Variants in PLEKHA8 observed in about 807,000 individuals in gnomAD.
PLEKHA8 encodes the protein pleckstrin homology domain containing A8.
A neutral mutation model predicts 68.2 loss-of-function variants in PLEKHA8; 36 were observed. The ratio of observed to expected loss-of-function variants is 0.53; its 90% CI spans 0.40 to 0.70. The LOEUF is 0.70. Among genes scored for constraint, PLEKHA8 ranks in the 30% least tolerant of loss-of-function variants. The pLI is 0.00. For synonymous variants in PLEKHA8, 211 were observed against 216.1 expected, an observed-to-expected ratio of 0.98 and a Z score of 0.20; for missense variants, 505 against 615.4, an observed-to-expected ratio of 0.82 and a Z score of 1.90.
At position 30,080,092 on chromosome 7, in the gene PLEKHA8, A is replaced by G; in HGVS notation, c.*1305A>G. ...CCAATCAATCTCGGTTTAATCACCA[A>G]AAGTGCAGAGCAGGCAAAATGCAGC... On this transcript the variant is annotated 3_prime_UTR_variant, in exon 14 of 14. Coordinates refer to ENST00000449726, the MANE Select transcript of PLEKHA8 (RefSeq NM_001197026.2). 1.0e-6 allele frequency: 1 copy of G among 985,402 alleles called. No individual in the cohort carries two copies. The highest frequency in any genetic ancestry group is 1.2e-6 in the Non-Finnish European group (1 of 829,930). 61.0% of individuals were successfully genotyped at this position (985,402 alleles called of 1,614,324 possible).
rs1345306275 is a variant in PLEKHA8, at chr7:30,055,274, T to C, written c.971T>C (p.Leu324Pro). 2 of 1,614,058 alleles carry C rather than the reference T, an allele frequency of 1.2e-6. No individual in the cohort carries two copies. Among genetic ancestry groups the C allele is most frequent in the Non-Finnish European group, 1.7e-6 (2 of 1,180,006 alleles). ...TTATGTAGCTTTAGTGACATTGAACTTCTGGAAGACAGTGGCATTCCCACA... is the reference window on the plus strand; with the variant it reads ...TTATGTAGCTTTAGTGACATTGAACCTCTGGAAGACAGTGGCATTCCCACA... ...TMNTSFSDIE[L>P]LEDSGIPTEA... The change falls in exon 9 of 14, where the codon CTT becomes CCT. Residue 324 changes from leucine to proline, a missense_variant. Transcript: ENST00000449726.
chr7:30,114,454 C>T (rs930670467), intron 13 of PLEKHA8, among the ~76,000 whole-genome samples: 1 of 152,248 alleles, frequency 6.6e-6, no homozygotes. Context: ...AGTTTCTGCG[C>T]TCTTAGCTAC....
intron 13 of PLEKHA8, among the ~76,000 whole-genome samples, chr7:30,099,785 A>G (rs1318369298): frequency 6.6e-6 from 1 of 152,358 alleles, no homozygotes; most frequent in South Asian, 2.1e-4. Flanking sequence ...GAATTCCCAC[A>G]TGAAATAGAA....
downstream of PLEKHA8, among the ~76,000 whole-genome samples, chr7:30,094,431 C>T (rs1040639131): frequency 6.6e-6 from 1 of 152,022 alleles, no homozygotes; most frequent in Non-Finnish European, 1.5e-5. Context: ...CCTGCCACCA[C>T]GCCCAGCTAA....
At chr7:30,054,339 C>T (rs1583818765) in intron 7 of PLEKHA8, among the ~76,000 whole-genome samples, 2 of 152,198 alleles carry the variant, frequency 1.3e-5, no homozygotes, top group African/African-American at 4.8e-5. Flanking sequence ...GACAAATTCA[C>T]AAATACATAT....
intron 13 of PLEKHA8, among the ~76,000 whole-genome samples, chr7:30,112,522 T>C (rs1386991676): frequency 3.3e-5 from 5 of 151,992 alleles, no homozygotes. Flanking sequence ...AAGCAGAACT[T>C]GAGTCATTTG....
chr7:30,112,432 A>T (rs1251175218), intron 13 of PLEKHA8, among the ~76,000 whole-genome samples: 1 of 152,208 alleles, frequency 6.6e-6, no homozygotes, highest in African/African-American at 2.4e-5. Flanking sequence ...ATGTCAAAAA[A>T]ATCATAAATG....
intron 13 of PLEKHA8, among the ~76,000 whole-genome samples, chr7:30,113,900 ACT>A (rs1491400952): frequency 7.0e-6 from 1 of 142,200 alleles, no homozygotes; most frequent in Non-Finnish European, 1.5e-5. Context: ...TCAAAATATT[ACT>A]TTTTTTTTTT....
intron 8 of PLEKHA8, 55 bp from the exon 9 acceptor site, chr7:30,055,202 G>C: frequency 6.7e-7 from 1 of 1,486,008 alleles, no homozygotes; most frequent in Non-Finnish European, 9.4e-7. Context: ...CTGAATTGCA[G>C]AGTGCTGATA....
Position 30,098,632 on chromosome 7 carries a change from A to G in PLEKHA8, c.1362+24500A>G, listed in dbSNP as rs550330497. On this transcript the variant is annotated intron_variant, in intron 13 of 13. Transcript: ENST00000396257. Reference sequence around the variant, plus strand: ...CCGTGGGCGTAGGACCCTCCAAGCCAGGTGCGGGATATAATCTCCTGTTGT... The same window carrying G: ...CCGTGGGCGTAGGACCCTCCAAGCCGGGTGCGGGATATAATCTCCTGTTGT... Among the ~76,000 whole-genome samples, 385 of 152,362 alleles carry G rather than the reference A, an allele frequency of 2.5e-3. 3 individuals are homozygous for G. In the Middle Eastern group the frequency reaches 0.027, roughly 11 times the overall value.
intron 13 of PLEKHA8, among the ~76,000 whole-genome samples, chr7:30,119,382 A>G (rs572452009): frequency 6.6e-6 from 1 of 152,330 alleles, no homozygotes; most frequent in Non-Finnish European, 1.5e-5. Context: ...CTAGTACATG[A>G]AAGCTCAGAT....
At chr7:30,122,400 C>T (rs1318837618) in intron 13 of PLEKHA8, among the ~76,000 whole-genome samples, 5 of 152,172 alleles carry the variant, frequency 3.3e-5, no homozygotes, top group Admixed American at 6.5e-5. Context: ...TCTATGAATT[C>T]ACCCCCTTGC....
chr7:30,046,410 C>A (rs769922023), intron 3 of PLEKHA8, 45 bp downstream of exon 3: 5 of 1,518,602 alleles, frequency 3.3e-6, no homozygotes, highest in Non-Finnish European at 1.8e-6. Flanking sequence ...GGGAATCACC[C>A]ACTGGCATCT....
intron 9 of PLEKHA8, among the ~76,000 whole-genome samples, chr7:30,056,743 G>A (rs900181749): frequency 3.9e-3 from 41 of 10,502 alleles, no homozygotes; most frequent in South Asian, 0.012. Context: ...AAAAAAAAAA[G>A]TGTGTGTGTG....
intron 9 of PLEKHA8, 48 bp from the exon 10 acceptor site, chr7:30,060,836 C>A: frequency 6.9e-7 from 1 of 1,447,308 alleles, no homozygotes; most frequent in Non-Finnish European, 9.6e-7. Flanking sequence ...AAAAATATTG[C>A]CACTTAAAAA....
intron 13 of PLEKHA8, among the ~76,000 whole-genome samples, chr7:30,114,047 C>T (rs1796352812): frequency 6.6e-6 from 1 of 152,028 alleles, no homozygotes; most frequent in African/African-American, 2.4e-5. Flanking sequence ...TACAGGTGCA[C>T]ACCACCATGA....
intron 13 of PLEKHA8, among the ~76,000 whole-genome samples, chr7:30,120,328 A>G (rs1796677950): frequency 1.3e-5 from 2 of 152,196 alleles, no homozygotes; most frequent in Non-Finnish European, 2.9e-5. Flanking sequence ...TTAAGGACAA[A>G]AAAGGGAAAG....
At chr7:30,056,954 A>T (rs897652345) in intron 9 of PLEKHA8, among the ~76,000 whole-genome samples, 2 of 147,856 alleles carry the variant, frequency 1.4e-5, no homozygotes, top group Admixed American at 6.8e-5. Context: ...TATATATATA[A>T]AAAAGTTTAT....
intron 3 of PLEKHA8, 140 bp from the exon 4 acceptor site, chr7:30,047,692 C>T (rs894993414): frequency 1.2e-6 from 1 of 838,264 alleles, no homozygotes. Flanking sequence ...ACATTTGCAA[C>T]CCATACTTTA....
Sources: allele counts gnomAD v4.1 joint callset (sites outside exome capture counted in the v4.1 genomes callset), GRCh38; gene constraint gnomAD v4.1.1; transcripts MANE v1.5; gene names NCBI Gene and HGNC (gene_info 2026-07-23, HGNC 2026-07-21).